Variants in SDK1 observed in about 807,000 individuals in gnomAD.
SDK1 encodes sidekick cell adhesion molecule 1.
SDK1 carries 157 observed loss-of-function variants against 245.5 expected under a neutral mutation model. The observed-to-expected ratio is 0.64, with a 90% CI of 0.56 to 0.73. SDK1 has a LOEUF of 0.73. SDK1 is among the 30% of genes least tolerant of loss of function. SDK1 has a pLI of 0.00. For missense variants in SDK1, 3,583 were observed against 3,002.3 expected, an observed-to-expected ratio of 1.19 and a Z score of -4.52; for synonymous variants, 1,647 against 1,278.5, an observed-to-expected ratio of 1.29 and a Z score of -6.15.
At chr7:3,995,008 C>T (rs1784596294) in intron 14 of SDK1, among the ~76,000 whole-genome samples, 1 of 152,188 alleles carries the variant, frequency 6.6e-6, no homozygotes, top group African/African-American at 2.4e-5. Context: ...TGGCCCATGT[C>T]CTCCCTAGGT....
chr7:3,785,396 G>A (rs576093123), intron 4 of SDK1, among the ~76,000 whole-genome samples: 1 of 152,234 alleles, frequency 6.6e-6, no homozygotes, highest in African/African-American at 2.4e-5. Flanking sequence ...ATGTTAACGA[G>A]ATTGATTTAA....
intron 40 of SDK1, chr7:4,227,221 C>G (rs1583121257): frequency 3.1e-6 from 1 of 327,612 alleles, no homozygotes; most frequent in East Asian, 8.3e-5. Flanking sequence ...GGGGCTGTTG[C>G]CATGGCTCTG....
chr7:4,125,988 C>T (rs59523838), intron 25 of SDK1, among the ~76,000 whole-genome samples: 2,041 of 152,328 alleles, frequency 0.013, 42 homozygotes, highest in South Asian at 0.079. Flanking sequence ...TGGAGACCAC[C>T]TGATTCAAAA....
intron 28 of SDK1, among the ~76,000 whole-genome samples, chr7:4,142,038 AGCCACTGC>A: frequency 6.6e-6 from 1 of 152,104 alleles, no homozygotes; most frequent in Middle Eastern, 3.5e-3. Flanking sequence ...CATAGGTGTG[AGCCACTGC>A]GCCCTGCCGG....
chr7:3,680,848 T>C (rs1296550034), intron 4 of SDK1, among the ~76,000 whole-genome samples: 1 of 152,052 alleles, frequency 6.6e-6, no homozygotes, highest in Non-Finnish European at 1.5e-5. Context: ...TATTTATTTA[T>C]TTATGTATTT....
At chr7:3,474,342 C>T (rs1052156782) in intron 1 of SDK1, among the ~76,000 whole-genome samples, 10 of 151,838 alleles carry the variant, frequency 6.6e-5, no homozygotes, top group Non-Finnish European at 1.5e-4. Flanking sequence ...TGTCCGCCTG[C>T]CTCAGCCTCC....
At chr7:3,779,068 G>A (rs1780646717) in intron 4 of SDK1, among the ~76,000 whole-genome samples, 1 of 152,132 alleles carries the variant, frequency 6.6e-6, no homozygotes, top group Non-Finnish European at 1.5e-5. Context: ...TTAAATTATG[G>A]ATGTTCCTTT....
intron 2 of SDK1, among the ~76,000 whole-genome samples, chr7:3,624,458 C>G (rs558882745): frequency 2.0e-5 from 3 of 152,166 alleles, no homozygotes; most frequent in Admixed American, 6.5e-5. Flanking sequence ...CTTGACCTCC[C>G]AAAGTACTGG....
intron 22 of SDK1, among the ~76,000 whole-genome samples, chr7:4,093,591 C>T (rs561097666): frequency 4.0e-4 from 61 of 152,110 alleles, no homozygotes; most frequent in Middle Eastern, 6.8e-3. Flanking sequence ...GTGCTGGTCT[C>T]TCTGTAACTA....
At chr7:3,410,414 C>G (rs1256212643) in intron 1 of SDK1, among the ~76,000 whole-genome samples, 1 of 151,914 alleles carries the variant, frequency 6.6e-6, no homozygotes, top group African/African-American at 2.4e-5. Flanking sequence ...TGCAAATATT[C>G]AAAAATCTGA....
intron 1 of SDK1, among the ~76,000 whole-genome samples, chr7:3,352,395 A>G (rs1471916659): frequency 6.6e-6 from 1 of 152,122 alleles, no homozygotes; most frequent in Non-Finnish European, 1.5e-5. Flanking sequence ...ATGGGGGAAG[A>G]GATCATTCCT....
chr7:3,437,998 G>C (rs1323560784), intron 1 of SDK1, among the ~76,000 whole-genome samples: 2 of 152,150 alleles, frequency 1.3e-5, no homozygotes, highest in African/African-American at 4.8e-5. Flanking sequence ...TCTAAGACCT[G>C]AGACATTGTT....
chr7:3,821,124 T>C (rs1779634737), intron 4 of SDK1, among the ~76,000 whole-genome samples: 2 of 152,260 alleles, frequency 1.3e-5, no homozygotes, highest in South Asian at 4.2e-4. Context: ...GGTCTTGTTA[T>C]GCATTCTCAG....
chr7:3,753,994 G>T (rs1232129645), intron 4 of SDK1, among the ~76,000 whole-genome samples: 1 of 152,104 alleles, frequency 6.6e-6, no homozygotes, highest in African/African-American at 2.4e-5. Flanking sequence ...TTATTTCTAG[G>T]CAGGTCCTCT....
intron 13 of SDK1, among the ~76,000 whole-genome samples, chr7:3,979,524 C>T (rs1339214001): frequency 6.6e-6 from 1 of 152,160 alleles, no homozygotes; most frequent in Admixed American, 6.5e-5. Flanking sequence ...GGGTAAGCCT[C>T]ACTCCACCTA....
intron 5 of SDK1, among the ~76,000 whole-genome samples, chr7:3,877,288 G>C (rs1781099219): frequency 6.6e-6 from 1 of 152,194 alleles, no homozygotes; most frequent in Non-Finnish European, 1.5e-5. Context: ...CTCCACACTT[G>C]AGGCCAATAA....
At chr7:4,031,260 A>G (rs952831161) in intron 17 of SDK1, among the ~76,000 whole-genome samples, 1 of 152,238 alleles carries the variant, frequency 6.6e-6, no homozygotes, top group Non-Finnish European at 1.5e-5. Flanking sequence ...CTTCTGTGTA[A>G]TTGAAAATCT....
intron 5 of SDK1, among the ~76,000 whole-genome samples, chr7:3,823,267 A>G (rs543650594): frequency 1.3e-5 from 2 of 152,222 alleles, no homozygotes; most frequent in Admixed American, 1.3e-4. Flanking sequence ...AATGATTCCA[A>G]ACTTTACAGG....
intron 1 of SDK1, among the ~76,000 whole-genome samples, chr7:3,441,634 A>G (rs1214241100): frequency 6.6e-6 from 1 of 152,198 alleles, no homozygotes; most frequent in African/African-American, 2.4e-5. Flanking sequence ...GAAGTCAGGT[A>G]TCATTAGCCT....
Sources: gnomAD v4.1 joint callset for allele counts (sites outside exome capture counted in the v4.1 genomes callset) on GRCh38, gnomAD v4.1.1 for gene constraint, MANE v1.5 for transcripts, NCBI Gene and HGNC (gene_info 2026-07-23, HGNC 2026-07-21) for gene names.